ZNF606: variants seen among roughly 807,000 people sequenced by gnomAD.
ZNF606 encodes the protein zinc finger protein 606, also known as zinc finger protein 328.
In ZNF606, 37 loss-of-function variants were observed where a neutral mutation model predicts 74.9. The ratio of observed to expected loss-of-function variants is 0.49; its 90% CI spans 0.38 to 0.65. ZNF606 has a LOEUF of 0.65. ZNF606 is among the 30% of genes least tolerant of loss of function. The pLI, the probability that ZNF606 is intolerant of heterozygous loss-of-function variation, is 0.00. For missense variants in ZNF606, 852 were observed against 952.9 expected (o/e 0.89, Z 1.39); for synonymous variants, 328 against 312.4 (o/e 1.05, Z -0.53).
At chr19:58,001,718 A>G (rs1052199952) in intron 1 of ZNF606, among the ~76,000 whole-genome samples, 3 of 152,242 alleles carry the variant, frequency 2.0e-5, no homozygotes, top group African/African-American at 7.2e-5. Flanking sequence ...AGCTGGGGGA[A>G]AAATGAAATG....
chr19:57,994,822 C>G (rs2073309966), intron 4 of ZNF606, among the ~76,000 whole-genome samples: 1 of 152,118 alleles, frequency 6.6e-6, no homozygotes, highest in Non-Finnish European at 1.5e-5. Context: ...TATTTTCTCC[C>G]AGAGTGGGGA....
intron 6 of ZNF606, among the ~76,000 whole-genome samples, chr19:57,981,351 G>A (rs1374786158): frequency 6.6e-6 from 1 of 152,024 alleles, no homozygotes; most frequent in Admixed American, 6.6e-5. Context: ...TGAGTATAAT[G>A]ACTTTTGAGT....
chr19:57,996,720 A>C (rs2123333577), intron 4 of ZNF606, among the ~76,000 whole-genome samples: 1 of 152,252 alleles, frequency 6.6e-6, no homozygotes, highest in Middle Eastern at 3.4e-3. Flanking sequence ...TGCTAAAGAG[A>C]GAAGAGTACT....
Position 57,979,124 on chromosome 19 carries a change from T to C in ZNF606, c.1556A>G (p.Lys519Arg). Residue 519 changes from lysine to arginine, a missense_variant, in exon 7 of 7, where the codon AAA (lysine) becomes AGA (arginine). Lys to Arg is a conservative substitution (Grantham distance 26). Coordinates refer to ENST00000551380, the MANE Select transcript of ZNF606 (RefSeq NM_001348022.3). ...AAGATGGGAGCTCCAGCTGAATGAT[T>C]TCCCACATTCAGTACATTCAAAAGG... is the stretch of plus-strand genomic sequence containing the variant. ...EKPFECTECG[K>R]SFSWSSHLIA... 3 of 1,614,076 alleles carry C rather than the reference T, an allele frequency of 1.9e-6. No individual in the cohort carries two copies. Among genetic ancestry groups the C allele is most frequent in the South Asian group, 1.1e-5 (1 of 91,076 alleles).
chr19:57,990,236 G>C (rs1464364506), intron 4 of ZNF606, among the ~76,000 whole-genome samples: 1 of 144,096 alleles, frequency 6.9e-6, no homozygotes, highest in Non-Finnish European at 1.5e-5. Flanking sequence ...GTGGTAGCAG[G>C]CACCTGTTGT....
chr19:58,002,562 A>G lies in ZNF606; in HGVS notation c.-218T>C, dbSNP rs576618743. On this transcript the variant is annotated 5_prime_UTR_variant, in exon 1 of 7. Coordinates refer to ENST00000551380, the MANE Select transcript of ZNF606 (RefSeq NM_001348022.3). ...GGCCCGCGGAGCCGACGTGCAGCAG[A>G]GTTCACCCAGGCCCGTCCGACCAGA... 1.4e-5 allele frequency: 6 copies of G among 429,734 alleles called. No individual in the cohort carries two copies. The highest frequency in any genetic ancestry group is 2.0e-5 in the African/African-American group (1 of 49,114). The allele number at this position is 429,734 out of a possible 1,614,324, so 26.6% of individuals were successfully genotyped here. A position where few individuals can be genotyped will look rare whatever the true frequency, so the allele number is the denominator to read the frequency against.
rs1461547643 is a variant in ZNF606 at position 57,988,696 on chromosome 19, G to A, written c.203C>T (p.Ala68Val). The A allele has an allele frequency of 6.2e-7, 1 of 1,614,120 alleles. No homozygotes were observed. The highest frequency in any genetic ancestry group is 8.5e-7 in the Non-Finnish European group (1 of 1,180,026). ...VQEPVTFKDV[A>V]VDFTQEEWGQ... is the part of the protein sequence containing the mutation. Reference sequence around the variant, plus strand: ...CCACTCTTCTTGGGTGAAGTCCACGGCCACGTCCTTGAAGGTCACTGGTTC... The same window carrying A: ...CCACTCTTCTTGGGTGAAGTCCACGACCACGTCCTTGAAGGTCACTGGTTC... Residue 68 changes from alanine to valine, a missense_variant, in exon 5 of 7, where the codon GCC (alanine) becomes GTC (valine). By Grantham distance (64) the Ala-to-Val change is moderately conservative. Transcript: ENST00000551380.
chr19:57,990,888 G>GA (rs142803895), intron 4 of ZNF606, among the ~76,000 whole-genome samples: 9,594 of 152,122 alleles, frequency 0.063, 411 homozygotes, highest in Middle Eastern at 0.095. Flanking sequence ...TCCTGCTCAA[G>GA]ACCCCCCAGG....
chr19:58,002,554 T>G lies in ZNF606; in HGVS notation c.-210A>C. 1 of 428,484 alleles carries G rather than the reference T, an allele frequency of 2.3e-6. No homozygotes were observed. The highest frequency in any genetic ancestry group is 4.7e-6 in the Non-Finnish European group (1 of 213,898). The allele number at this position is 428,484 out of a possible 1,614,324, so 26.5% of individuals were successfully genotyped here. On this transcript the variant is annotated 5_prime_UTR_variant, in exon 1 of 7. Coordinates refer to ENST00000551380, the MANE Select transcript of ZNF606 (RefSeq NM_001348022.3). ...GGGACAAAGGCCCGCGGAGCCGACG[T>G]GCAGCAGAGTTCACCCAGGCCCGTC...
intron 6 of ZNF606, 56 bp from the exon 7 acceptor site, chr19:57,980,335 T>A: frequency 1.3e-6 from 2 of 1,511,596 alleles, no homozygotes; most frequent in East Asian, 2.3e-5. Context: ...TAGAATAAAG[T>A]GGGAATGGTG....
At chr19:57,990,378 G>A (rs111364571) in intron 4 of ZNF606, among the ~76,000 whole-genome samples, 4 of 59,444 alleles carry the variant, frequency 6.7e-5, no homozygotes, top group East Asian at 8.1e-4. Flanking sequence ...AAAAAAAAAA[G>A]AAATCAACTC....
At chr19:57,995,838 T>C (rs1391884906) in intron 4 of ZNF606, among the ~76,000 whole-genome samples, 1 of 152,096 alleles carries the variant, frequency 6.6e-6, no homozygotes, top group East Asian at 1.9e-4. Flanking sequence ...AAAGACTGTC[T>C]ATGTCTATAT....
At chr19:57,995,189 C>CAAAAAA (rs766350560) in intron 4 of ZNF606, among the ~76,000 whole-genome samples, 1 of 49,532 alleles carries the variant, frequency 2.0e-5, no homozygotes. Flanking sequence ...GACTCTGACT[C>CAAAAAA]AAAAAAAAAA....
At chr19:57,994,011 C>T (rs938253925) in intron 4 of ZNF606, among the ~76,000 whole-genome samples, 4 of 152,156 alleles carry the variant, frequency 2.6e-5, no homozygotes, top group African/African-American at 9.7e-5. Flanking sequence ...ACAGATAAAG[C>T]GACTGAACTA....
intron 4 of ZNF606, among the ~76,000 whole-genome samples, chr19:57,996,535 A>G (rs2073344226): frequency 6.6e-6 from 1 of 152,198 alleles, no homozygotes; most frequent in African/African-American, 2.4e-5. Context: ...GTAAGGGGAC[A>G]CAGTAAACAC....
intron 1 of ZNF606, 83 bp from the exon 2 acceptor site, chr19:58,001,453 G>C: frequency 9.1e-7 from 1 of 1,098,116 alleles, no homozygotes; most frequent in African/African-American, 1.6e-5. Context: ...TCCATCCACC[G>C]AAGCAACAAA....
rs367887304 is a variant in ZNF606 at position 57,979,868 on chromosome 19, T to C, written c.812A>G (p.Tyr271Cys). The C allele has an allele frequency of 6.2e-7, 1 of 1,613,834 alleles. No homozygotes were observed. Among genetic ancestry groups the C allele is most frequent in the East Asian group, 2.2e-5 (1 of 44,874 alleles). The change falls in exon 7 of 7, where the codon TAT (tyrosine) becomes TGT (cysteine). Residue 271 changes from tyrosine to cysteine, a missense_variant. By Grantham distance (194) the Tyr-to-Cys change is radical (BLOSUM62 -2). Transcript: ENST00000551380. ...AGGGTAAATAGGTTGAATGGACTGA[T>C]AAACAGTTTTGTCATAATCATTATT... ...CENNDYDKTV[Y>C]QSIQPIYPAR...
At chr19:57,997,310 G>T (rs970275653) in intron 4 of ZNF606, 1 of 152,198 alleles carries the variant, frequency 6.6e-6, no homozygotes, top group African/African-American at 2.4e-5. Flanking sequence ...GAAATAACGG[G>T]ATCTGGGCTT....
chr19:58,000,568 G>T, intron 3 of ZNF606, 115 bp downstream of exon 3: 1 of 1,139,468 alleles, frequency 8.8e-7, no homozygotes, highest in Non-Finnish European at 1.3e-6. Context: ...AGACAGATCT[G>T]GACCACCTGC....
Sources: gnomAD v4.1 joint callset for allele counts (sites outside exome capture counted in the v4.1 genomes callset) on GRCh38, gnomAD v4.1.1 for gene constraint, MANE v1.5 for transcripts, NCBI Gene and HGNC (gene_info 2026-07-23, HGNC 2026-07-21) for gene names.